Variants in EPB41L5 observed in about 807,000 individuals in gnomAD.
EPB41L5 encodes band 4.1-like protein 5.
Under a neutral mutation model 106.6 loss-of-function variants are expected in EPB41L5, and 55 were observed. That is an observed-to-expected ratio of 0.52 (90% CI 0.42 to 0.65). The LOEUF (loss-of-function observed/expected upper bound fraction) is 0.65. Among genes scored for constraint, EPB41L5 ranks in the 30% least tolerant of loss-of-function variants. EPB41L5 has a pLI of 0.00. For missense variants in EPB41L5, 871 were observed against 882.1 expected (o/e 0.99, Z 0.16); for synonymous variants, 297 against 306.7 (o/e 0.97, Z 0.33).
intron 24 of EPB41L5, among the ~76,000 whole-genome samples, chr2:120,171,429 A>T (rs1440431843): frequency 1.3e-5 from 2 of 152,192 alleles, no homozygotes; most frequent in Admixed American, 1.3e-4. Context: ...TTTTAGCATA[A>T]TTCTGAAGTT....
At chr2:120,119,261 C>T (rs141160633) in intron 16 of EPB41L5, among the ~76,000 whole-genome samples, 10 of 152,058 alleles carry the variant, frequency 6.6e-5, no homozygotes, top group African/African-American at 2.4e-4. Context: ...AAATCTTCTC[C>T]CATTCTGTAA....
chr2:120,117,517 T>C (rs1240427858), intron 16 of EPB41L5, among the ~76,000 whole-genome samples: 5 of 152,202 alleles, frequency 3.3e-5, no homozygotes, highest in Admixed American at 2.6e-4. Context: ...GATTCTGCAT[T>C]TGACCAGCAG....
At position 120,077,297 on chromosome 2, in the gene EPB41L5, T is replaced by C; in HGVS notation, c.695T>C (p.Val232Ala). ...GCCAAATGGCTAGAAATGTATGGGG[T>C]TGATATGCATGTGGTCAAGGTAAGC... The part of the protein sequence containing the change: ...NKAKWLEMYG[V>A]DMHVVKARDG... Residue 232 changes from valine to alanine, a missense_variant, in exon 9 of 25, where the codon GTT becomes GCT. By Grantham distance (64) the Val-to-Ala change is moderately conservative (BLOSUM62 0). Transcript: ENST00000263713. 6.2e-7 allele frequency: 1 copy of C among 1,611,830 alleles called. No homozygotes were observed. The highest frequency in any genetic ancestry group is 8.5e-7 in the Non-Finnish European group (1 of 1,178,614).
At chr2:120,075,668 A>C in intron 6 of EPB41L5, 33 bp from the exon 7 acceptor site, 3 of 1,584,582 alleles carry the variant, frequency 1.9e-6, no homozygotes, top group South Asian at 2.2e-5. Flanking sequence ...TTATGAAATC[A>C]ACTTGTCTAA....
intron 20 of EPB41L5, among the ~76,000 whole-genome samples, chr2:120,160,098 A>G (rs981750155): frequency 6.6e-6 from 1 of 152,226 alleles, no homozygotes; most frequent in African/African-American, 2.4e-5. Context: ...AGAGGAGCAC[A>G]AAAAATAACT....
At chr2:120,025,245 T>G (rs1383268334) in intron 2 of EPB41L5, among the ~76,000 whole-genome samples, 2 of 152,232 alleles carry the variant, frequency 1.3e-5, no homozygotes, top group Non-Finnish European at 2.9e-5. Context: ...GTCCAGGAAT[T>G]TATCCATTTC....
chr2:120,013,289 C>T (rs1192271839), intron 1 of EPB41L5, 79 bp downstream of exon 1: 2 of 152,324 alleles, frequency 1.3e-5, no homozygotes, highest in East Asian at 1.9e-4. Flanking sequence ...TCGCCCGCGC[C>T]TGCGGTAGCG....
At chr2:120,031,551 T>C (rs1392985043) in intron 2 of EPB41L5, among the ~76,000 whole-genome samples, 1 of 152,222 alleles carries the variant, frequency 6.6e-6, no homozygotes, top group Admixed American at 6.6e-5. Context: ...GTTTCCAGTT[T>C]GTTCATTTTC....
chr2:120,149,940 G>A (rs1047656621), intron 20 of EPB41L5, among the ~76,000 whole-genome samples: 1 of 146,098 alleles, frequency 6.8e-6, no homozygotes, highest in African/African-American at 2.6e-5. Flanking sequence ...TGTCACCCAG[G>A]TTGGAGTGCA....
chr2:120,103,987 T>G (rs1558877875), intron 16 of EPB41L5: 2 of 1,427,138 alleles, frequency 1.4e-6, no homozygotes, highest in Non-Finnish European at 1.8e-6. Context: ...TCCCCTTTAT[T>G]GTCTCTTACA....
intron 1 of EPB41L5, among the ~76,000 whole-genome samples, chr2:120,015,388 C>G (rs1049796917): frequency 6.6e-6 from 1 of 151,782 alleles, no homozygotes; most frequent in Non-Finnish European, 1.5e-5. Flanking sequence ...TCCTGGCTTC[C>G]AACAGTTCCG....
intron 7 of EPB41L5, among the ~76,000 whole-genome samples, chr2:120,076,629 ATTGTCT>A (rs1682264093): frequency 6.6e-6 from 1 of 151,788 alleles, no homozygotes; most frequent in South Asian, 2.1e-4. Flanking sequence ...ATGCCAGTTA[ATTGTCT>A]TTTAACGATT....
chr2:120,059,496 A>G (rs1680880777), intron 3 of EPB41L5, among the ~76,000 whole-genome samples: 1 of 152,208 alleles, frequency 6.6e-6, no homozygotes, highest in African/African-American at 2.4e-5. Context: ...ATAAAAAATT[A>G]AAAACTTTTG....
At position 120,014,982 on chromosome 2, in the gene EPB41L5, A is replaced by C. The variant is rs908953972; in HGVS notation, c.-9+1772A>C. Among the ~76,000 whole-genome samples, 10 of 151,768 alleles carry C rather than the reference A, an allele frequency of 6.6e-5. No homozygotes were observed. In the South Asian group the frequency reaches 1.3e-3, roughly 19 times the overall value. ...TTTTTCACAATCATTAAAAAAAAAA[A>C]AAACCCACAACTTTTAGTGATCCAT... On this transcript the variant is annotated intron_variant, in intron 1 of 24. Coordinates refer to ENST00000263713, the MANE Select transcript of EPB41L5 (RefSeq NM_020909.4).
At chr2:120,103,767 G>C (rs190202686) in intron 16 of EPB41L5, among the ~76,000 whole-genome samples, 205 of 152,204 alleles carry the variant, frequency 1.3e-3, no homozygotes, top group African/African-American at 4.8e-3. Context: ...CAACATCAGG[G>C]ACAGATACAG....
chr2:120,088,893 A>C (rs556509097), intron 11 of EPB41L5, among the ~76,000 whole-genome samples: 5 of 152,142 alleles, frequency 3.3e-5, no homozygotes, highest in Non-Finnish European at 1.5e-5. Flanking sequence ...TGCCTACTCA[A>C]ATCTTTTGCT....
intron 20 of EPB41L5, among the ~76,000 whole-genome samples, chr2:120,150,301 A>G (rs1046536144): frequency 3.2e-4 from 48 of 151,854 alleles, no homozygotes; most frequent in Non-Finnish European, 4.4e-4. Context: ...ATGTCTATTC[A>G]AGTCCTTTGC....
At chr2:120,107,804 G>A in intron 16 of EPB41L5, among the ~76,000 whole-genome samples, 1 of 152,122 alleles carries the variant, frequency 6.6e-6, no homozygotes, top group East Asian at 1.9e-4. Flanking sequence ...TAACCTTGGT[G>A]GTGTAGAAAT....
intron 3 of EPB41L5, among the ~76,000 whole-genome samples, chr2:120,057,846 T>A (rs1052345800): frequency 1.3e-5 from 2 of 152,154 alleles, no homozygotes; most frequent in Non-Finnish European, 2.9e-5. Flanking sequence ...TTGGGTAGTT[T>A]CTTGTATACA....
Sources: gnomAD v4.1 joint callset for allele counts (sites outside exome capture counted in the v4.1 genomes callset) on GRCh38, gnomAD v4.1.1 for gene constraint, MANE v1.5 for transcripts, NCBI Gene and HGNC (gene_info 2026-07-23, HGNC 2026-07-21) for gene names.